NRG3: variants seen among roughly 807,000 people sequenced by gnomAD.
NRG3 encodes pro-neuregulin-3, membrane-bound isoform.
A neutral mutation model predicts 66.9 loss-of-function variants in NRG3; 31 were observed. The ratio of observed to expected loss-of-function variants is 0.46; its 90% CI spans 0.35 to 0.63. The LOEUF (loss-of-function observed/expected upper bound fraction) is 0.63, where lower values mean the gene tolerates loss of function less well. Ranked by LOEUF, NRG3 falls within the 20% of genes least tolerant of loss-of-function variation. NRG3 has a pLI of 0.00. For missense variants in NRG3, 910 were observed against 878.9 expected, an observed-to-expected ratio of 1.04 and a Z score of -0.45; for synonymous variants, 393 against 359.4, an observed-to-expected ratio of 1.09 and a Z score of -1.06.
At chr10:82,898,166 T>C (rs145985585) in intron 4 of NRG3, among the ~76,000 whole-genome samples, 6 of 152,172 alleles carry the variant, frequency 3.9e-5, no homozygotes, top group Non-Finnish European at 7.4e-5. Flanking sequence ...TTGCTCCACA[T>C]TGGGACAACC....
At chr10:82,642,515 CTACTAATTTAT>C (rs2050654644) in intron 2 of NRG3, among the ~76,000 whole-genome samples, 1 of 151,702 alleles carries the variant, frequency 6.6e-6, no homozygotes, top group Non-Finnish European at 1.5e-5. Flanking sequence ...CTAGATCCAA[CTACTAATTTAT>C]AGAAAATCAG....
chr10:82,636,045 G>A (rs1371407334), intron 2 of NRG3, among the ~76,000 whole-genome samples: 2 of 152,126 alleles, frequency 1.3e-5, no homozygotes, highest in Non-Finnish European at 2.9e-5. Context: ...TTGGTTATAT[G>A]TAGTAATATT....
At chr10:82,270,414 G>A (rs1377186350) in intron 1 of NRG3, among the ~76,000 whole-genome samples, 1 of 152,074 alleles carries the variant, frequency 6.6e-6, no homozygotes, top group Non-Finnish European at 1.5e-5. Context: ...TATTAATAGG[G>A]TATTTGGGAC....
intron 2 of NRG3, among the ~76,000 whole-genome samples, chr10:82,381,584 G>A (rs1382910037): frequency 1.3e-5 from 2 of 152,080 alleles, no homozygotes; most frequent in African/African-American, 4.8e-5. Context: ...TTTCATTTGT[G>A]CTTTGATTTT....
intron 1 of NRG3, among the ~76,000 whole-genome samples, chr10:81,990,643 A>G (rs917494878): frequency 1.1e-4 from 16 of 152,124 alleles, no homozygotes; most frequent in African/African-American, 3.9e-4. Flanking sequence ...TATGTTAATG[A>G]CCATATTTTT....
intron 3 of NRG3, among the ~76,000 whole-genome samples, chr10:82,764,427 A>C: frequency 6.9e-6 from 1 of 145,208 alleles, no homozygotes. Flanking sequence ...GCCTAAGTGC[A>C]GTGGTGCAAT....
At chr10:82,063,950 C>T (rs1049483395) in intron 1 of NRG3, among the ~76,000 whole-genome samples, 1 of 152,130 alleles carries the variant, frequency 6.6e-6, no homozygotes, top group African/African-American at 2.4e-5. Flanking sequence ...GGGTTTACTG[C>T]CCTGATGAAT....
intron 4 of NRG3, among the ~76,000 whole-genome samples, chr10:82,944,556 A>G (rs1047841014): frequency 4.6e-5 from 7 of 152,218 alleles, no homozygotes; most frequent in African/African-American, 1.4e-4. Context: ...TAAGATGATG[A>G]TATGCCTAAA....
chr10:82,955,679 C>A (rs1330040467), intron 5 of NRG3, among the ~76,000 whole-genome samples: 1 of 151,822 alleles, frequency 6.6e-6, no homozygotes, highest in African/African-American at 2.4e-5. Flanking sequence ...TAACAACCTG[C>A]CCCTAACTAT....
intron 3 of NRG3, among the ~76,000 whole-genome samples, chr10:82,841,320 A>G (rs1204957785): frequency 6.6e-6 from 1 of 152,204 alleles, no homozygotes; most frequent in African/African-American, 2.4e-5. Context: ...ATAGTAATTC[A>G]TTACACCTGC....
intron 1 of NRG3, among the ~76,000 whole-genome samples, chr10:81,994,235 A>G (rs751736842): frequency 2.6e-5 from 4 of 152,146 alleles, no homozygotes; most frequent in African/African-American, 4.8e-5. Context: ...ACTGTTGACT[A>G]TGTAAAATAG....
chr10:82,187,381 A>G (rs970993751), intron 1 of NRG3, among the ~76,000 whole-genome samples: 11 of 152,320 alleles, frequency 7.2e-5, no homozygotes, highest in East Asian at 1.9e-4. Flanking sequence ...TTATCAGTTT[A>G]TGATAGCTAT....
At chr10:82,395,447 A>G (rs2086652858) in intron 2 of NRG3, among the ~76,000 whole-genome samples, 1 of 152,220 alleles carries the variant, frequency 6.6e-6, no homozygotes, top group Non-Finnish European at 1.5e-5. Flanking sequence ...TCCCTCCCTT[A>G]GTAGACTGTC....
chr10:82,714,355 C>T (rs915766977), intron 2 of NRG3, among the ~76,000 whole-genome samples: 1 of 152,110 alleles, frequency 6.6e-6, no homozygotes, highest in Non-Finnish European at 1.5e-5. Flanking sequence ...TTCCTTTCCA[C>T]AGTAAGATGC....
Position 81,921,466 on chromosome 10 carries a change from A to T in NRG3, c.823+45303A>T, listed in dbSNP as rs538330494. Among the ~76,000 whole-genome samples, 5 of 152,182 alleles carry T rather than the reference A, an allele frequency of 3.3e-5. No homozygotes were observed. In the South Asian group the frequency reaches 1.0e-3, roughly 32 times the overall value. ...TCTATCTGGATTTTTCCCCAAGTCAAACCTCTTAGTCTTTTCTTTTATGGT... is the reference window on the plus strand; with the variant it reads ...TCTATCTGGATTTTTCCCCAAGTCATACCTCTTAGTCTTTTCTTTTATGGT... On this transcript the variant is annotated intron_variant, in intron 1 of 8. Coordinates refer to ENST00000372141, the MANE Select transcript of NRG3 (RefSeq NM_001010848.4).
At chr10:82,428,259 T>A (rs1160078979) in intron 2 of NRG3, among the ~76,000 whole-genome samples, 2 of 151,966 alleles carry the variant, frequency 1.3e-5, no homozygotes, top group African/African-American at 4.8e-5. Context: ...TTTCTCCACT[T>A]TCTTAAGGTA....
At chr10:82,568,016 G>A (rs1399848112) in intron 2 of NRG3, among the ~76,000 whole-genome samples, 1 of 151,824 alleles carries the variant, frequency 6.6e-6, no homozygotes, top group Non-Finnish European at 1.5e-5. Flanking sequence ...TTTCTCCTTA[G>A]TTTTGTCATT....
chr10:82,418,458 G>GTTTATGCAAATTAACCAGTTT (rs58367470), intron 2 of NRG3, among the ~76,000 whole-genome samples: 2 of 152,078 alleles, frequency 1.3e-5, no homozygotes, highest in African/African-American at 4.8e-5. Flanking sequence ...TTATGCAAAT[G>GTTTATGCAAATTAACCAGTTT]AAAAGAGGAG....
intron 3 of NRG3, among the ~76,000 whole-genome samples, chr10:82,815,503 ATC>A (rs2061669451): frequency 2.6e-5 from 4 of 151,918 alleles, no homozygotes; most frequent in African/African-American, 9.7e-5. Flanking sequence ...TCTCTTCCTG[ATC>A]TTTCTCTTGA....
Sources: allele counts gnomAD v4.1 joint callset (sites outside exome capture counted in the v4.1 genomes callset), GRCh38; gene constraint gnomAD v4.1.1; transcripts MANE v1.5; gene names NCBI Gene and HGNC (gene_info 2026-07-23, HGNC 2026-07-21).